Variants in CCND2 observed in about 807,000 individuals in gnomAD.
CCND2 encodes G1/S-specific cyclin-D2.
A neutral mutation model predicts 30.2 loss-of-function variants in CCND2; 6 were observed. The observed-to-expected ratio is 0.20, with a 90% CI of 0.11 to 0.39. The LOEUF (loss-of-function observed/expected upper bound fraction) is 0.39, where lower values mean the gene tolerates loss of function less well. Among genes scored for constraint, CCND2 ranks in the 10% least tolerant of loss-of-function variants. The pLI is 1.00. For synonymous variants in CCND2, 150 were observed against 153.1 expected (o/e 0.98, Z 0.15); for missense variants, 235 against 373.4 (o/e 0.63, Z 3.06).
chr12:4,300,063 C>T lies in CCND2; in HGVS notation c.*54C>T, dbSNP rs2120593998. 2 of 1,522,932 alleles carry T rather than the reference C, an allele frequency of 1.3e-6. No homozygotes were observed. The highest frequency in any genetic ancestry group is 1.8e-6 in the Non-Finnish European group (2 of 1,127,136). The allele number at this position is 1,522,932 out of a possible 1,614,324, so 94.3% of individuals were successfully genotyped here. A position where few individuals can be genotyped will look rare whatever the true frequency, so the allele number is the denominator to read the frequency against. On this transcript the variant is annotated 3_prime_UTR_variant, in exon 5 of 5. Coordinates refer to ENST00000261254, the MANE Select transcript of CCND2 (RefSeq NM_001759.4). ...CGCGTCCATAATCTGGTCTCTTCTT[C>T]TTTCTGGTTGTTTTTGTTCTTTGTG...
intron 3 of CCND2, among the ~76,000 whole-genome samples, chr12:4,280,387 T>C (rs1863932412): frequency 6.6e-6 from 1 of 152,248 alleles, no homozygotes; most frequent in Non-Finnish European, 1.5e-5. Flanking sequence ...TGCCTGTTCA[T>C]CTAGGGCACA....
intron 4 of CCND2, among the ~76,000 whole-genome samples, chr12:4,297,346 C>CAGAT (rs894380867): frequency 1.3e-5 from 2 of 152,012 alleles, no homozygotes; most frequent in African/African-American, 2.4e-5. Flanking sequence ...CCAAGGCGGG[C>CAGAT]AGATACCTGA....
Position 4,287,610 on chromosome 12 carries a change from T to C in CCND2, c.572-1232T>C, listed in dbSNP as rs1206822978. 6.6e-6 allele frequency among the ~76,000 whole-genome samples: 1 copy of C among 152,166 alleles called. No homozygotes were observed. ...GGCTGCAACTATACCCACCCTAATA[T>C]CTGTCAACACGAGCAGGGGCAACTT... is the stretch of plus-strand genomic sequence containing the variant. On this transcript the variant is annotated intron_variant, in intron 3 of 4. Coordinates refer to ENST00000261254, the MANE Select transcript of CCND2 (RefSeq NM_001759.4). The surrounding 1 kb of genome is among the most constrained non-coding windows in gnomAD (Gnocchi z 4.0).
chr12:4,276,231 G>A lies in CCND2; in HGVS notation c.411+11G>A. On this transcript the variant is annotated intron_variant, in intron 2 of 4. Transcript: ENST00000261254. The surrounding 1 kb of genome is among the most constrained non-coding windows in gnomAD (Gnocchi z 4.8). ...CCTCAGGAGCTGCTGGTAATGACCG[G>A]CCCCTTCCTCCCTTCCTTTCTGCGA... 3 of 1,608,538 alleles carry A rather than the reference G, an allele frequency of 1.9e-6. No individual in the cohort carries two copies. The highest frequency in any genetic ancestry group is 2.6e-6 in the Non-Finnish European group (3 of 1,175,650).
At chr12:4,280,227 A>C (rs1863930324) in intron 3 of CCND2, among the ~76,000 whole-genome samples, 1 of 152,270 alleles carries the variant, frequency 6.6e-6, no homozygotes, top group South Asian at 2.1e-4. Context: ...AATTGTGAAA[A>C]TGCTACCATC....
At chr12:4,295,954 A>G (rs1027772260) in intron 4 of CCND2, among the ~76,000 whole-genome samples, 3 of 152,240 alleles carry the variant, frequency 2.0e-5, no homozygotes, top group African/African-American at 7.2e-5. Flanking sequence ...GTGCACGCAC[A>G]TGTCACCTCA....
chr12:4,280,691 G>A (rs1863936718), intron 3 of CCND2, among the ~76,000 whole-genome samples: 1 of 152,212 alleles, frequency 6.6e-6, no homozygotes, highest in Non-Finnish European at 1.5e-5. Flanking sequence ...TCACTGTGGG[G>A]GAGGGGTCAG....
At position 4,303,750 on chromosome 12, in the gene CCND2, G is replaced by A. The variant is rs965295811; in HGVS notation, c.*3741G>A. Reference sequence around the variant, plus strand: ...ATGCGTGCTGAGAGGCGAGCTCCTTGAAGAAGGGGCTGTTCTTCCAGGAGG... The same window carrying A: ...ATGCGTGCTGAGAGGCGAGCTCCTTAAAGAAGGGGCTGTTCTTCCAGGAGG... On this transcript the variant is annotated 3_prime_UTR_variant, in exon 5 of 5. Coordinates refer to ENST00000261254, the MANE Select transcript of CCND2 (RefSeq NM_001759.4). The surrounding 1 kb of genome is among the most constrained non-coding windows in gnomAD (Gnocchi z 4.6). The A allele has an allele frequency of 9.9e-5, 23 of 233,482 alleles. No individual in the cohort carries two copies. The highest frequency in any genetic ancestry group is 2.2e-4 in the Admixed American group (4 of 17,778). 14.5% of individuals were successfully genotyped at this position (233,482 alleles called of 1,614,324 possible).
Position 4,288,966 on chromosome 12 carries a change from G to C in CCND2, c.696G>C (p.Leu232=). ...CTTGTGATGCCCTGACTGAGCTGCT[G>C]GCTAAGATCACCAACACAGACGTGG... is the stretch of plus-strand genomic sequence containing the variant. ...SLTCDALTEL[L]AKITNTDVDC... The change falls in exon 4 of 5, where the codon CTG becomes CTC. Residue 232 remains leucine, a synonymous_variant. Transcript: ENST00000261254. The C allele has an allele frequency of 6.2e-7, 1 of 1,613,266 alleles. No individual in the cohort carries two copies. Among genetic ancestry groups the C allele is most frequent in the South Asian group, 1.1e-5 (1 of 90,982 alleles).
rs1864123906 is a variant in CCND2 at position 4,293,235 on chromosome 12, A to G, written c.720+4245A>G. On this transcript the variant is annotated intron_variant, in intron 4 of 4. Transcript: ENST00000261254. The surrounding 1 kb of genome is among the most constrained non-coding windows in gnomAD (Gnocchi z 4.9). Reference sequence around the variant, plus strand: ...AAGTGGCTTCATTTTCATATGACACAGTTGCACAAATTCACTAACTAAAAA... The same window carrying G: ...AAGTGGCTTCATTTTCATATGACACGGTTGCACAAATTCACTAACTAAAAA... Among the ~76,000 whole-genome samples, 2 of 152,234 alleles carry G rather than the reference A, an allele frequency of 1.3e-5. No homozygotes were observed. The highest frequency in any genetic ancestry group is 2.9e-5 in the Non-Finnish European group (2 of 68,044).
intron 4 of CCND2, among the ~76,000 whole-genome samples, chr12:4,297,570 CAAA>C (rs71061177): frequency 0.03 from 2,248 of 74,612 alleles, 48 homozygotes; most frequent in African/African-American, 0.13. Context: ...CACTCTGTCT[CAAA>C]AAAAAAAAAA....
In CCND2 at chr12:4,304,541, T is replaced by A. The variant is rs1864290804; in HGVS notation, c.*4532T>A. The A allele has an allele frequency of 4.3e-6, 1 of 233,566 alleles. No individual in the cohort carries two copies. Among genetic ancestry groups the A allele is most frequent in the Non-Finnish European group, 8.5e-6 (1 of 118,036 alleles). 14.5% of individuals were successfully genotyped at this position (233,566 alleles called of 1,614,324 possible). A position where few individuals can be genotyped will look rare whatever the true frequency, so the allele number is the denominator to read the frequency against. ...CTCATACCACATGGCTTTTGATGAT[T>A]CTGGATTCTAAACAACCCAGAATGG... is the stretch of plus-strand genomic sequence containing the variant. On this transcript the variant is annotated 3_prime_UTR_variant, in exon 5 of 5. Coordinates refer to ENST00000261254, the MANE Select transcript of CCND2 (RefSeq NM_001759.4). The surrounding 1 kb of genome is among the most constrained non-coding windows in gnomAD (Gnocchi z 6.2).
rs778449426 is a variant in CCND2 at position 4,274,341 on chromosome 12, C to A, written c.195+106C>A. On this transcript the variant is annotated intron_variant, in intron 1 of 4. Coordinates refer to ENST00000261254, the MANE Select transcript of CCND2 (RefSeq NM_001759.4). The surrounding 1 kb of genome is among the most constrained non-coding windows in gnomAD (Gnocchi z 7.7). ...GAGGGCAATCCCCGCGCCGGCCTCC[C>A]GGCTCCTGTGCGGGAGTTTACCGCG... The A allele has an allele frequency of 1.8e-5, 23 of 1,245,502 alleles. No homozygotes were observed. The highest frequency in any genetic ancestry group is 2.6e-5 in the Non-Finnish European group (23 of 877,606). The allele number at this position is 1,245,502 out of a possible 1,614,324, so 77.2% of individuals were successfully genotyped here.
In CCND2 at chr12:4,304,699, T is replaced by G. The variant is rs1486952556; in HGVS notation, c.*4690T>G. On this transcript the variant is annotated 3_prime_UTR_variant, in exon 5 of 5. Transcript: ENST00000261254. This position sits in a 1 kb window ranked among gnomAD's most constrained non-coding sequence, Gnocchi z 6.2. ...GTACGTGCATGCTGTAGCTGCAGCC[T>G]GCATCCCTTCGCCTGCAGCCTACTT... 6 of 233,570 alleles carry G rather than the reference T, an allele frequency of 2.6e-5. No individual in the cohort carries two copies. Among genetic ancestry groups the G allele is most frequent in the Non-Finnish European group, 5.1e-5 (6 of 118,048 alleles). 14.5% of individuals were successfully genotyped at this position (233,570 alleles called of 1,614,324 possible).
intron 3 of CCND2, among the ~76,000 whole-genome samples, chr12:4,281,351 C>T (rs1863945061): frequency 6.6e-6 from 1 of 152,188 alleles, no homozygotes; most frequent in South Asian, 2.1e-4. Context: ...CCGAAGGCCG[C>T]TTTTCTTGAA....
rs576799368 is a variant in CCND2, at chr12:4,300,874, A to G, written c.*865A>G. 50 of 233,722 alleles carry G rather than the reference A, an allele frequency of 2.1e-4. No homozygotes were observed. In the South Asian group the frequency reaches 4.2e-3, roughly 19 times the overall value. The allele number at this position is 233,722 out of a possible 1,614,324, so 14.5% of individuals were successfully genotyped here. The stretch of plus-strand genomic sequence containing the variant: ...TTTCTGTTATTGTATTTAAAAGGGT[A>G]ATGTGGCCTTGGCATTTCTTCTTAG... On this transcript the variant is annotated 3_prime_UTR_variant, in exon 5 of 5. Transcript: ENST00000261254.
Position 4,304,224 on chromosome 12 carries a change from G to A in CCND2, c.*4215G>A. 4.3e-6 allele frequency: 1 copy of A among 233,740 alleles called. No homozygotes were observed. The highest frequency in any genetic ancestry group is 8.5e-6 in the Non-Finnish European group (1 of 118,040). 14.5% of individuals were successfully genotyped at this position (233,740 alleles called of 1,614,324 possible). A position where few individuals can be genotyped will look rare whatever the true frequency, so the allele number is the denominator to read the frequency against. On this transcript the variant is annotated 3_prime_UTR_variant, in exon 5 of 5. Transcript: ENST00000261254. This position sits in a 1 kb window ranked among gnomAD's most constrained non-coding sequence, Gnocchi z 6.2. ...CTAGTTCAAGAAGATAATATTGGTA[G>A]TGTGGGAATTGGAGGTAGGAAGGGG...
Position 4,301,265 on chromosome 12 carries a change from CT to C in CCND2, c.*1258del, listed in dbSNP as rs1234549443. The C allele has an allele frequency of 4.3e-6, 1 of 233,438 alleles. No individual in the cohort carries two copies. The highest frequency in any genetic ancestry group is 2.2e-5 in the African/African-American group (1 of 45,286). The allele number at this position is 233,438 out of a possible 1,614,324, so 14.5% of individuals were successfully genotyped here. A position where few individuals can be genotyped will look rare whatever the true frequency, so the allele number is the denominator to read the frequency against. ...AAGGATCTTAATTCCCATCTCTATA[CT>C]TCTCCTTTGGACATGGAAAGAAAAG... On this transcript the variant is annotated 3_prime_UTR_variant, in exon 5 of 5. Coordinates refer to ENST00000261254, the MANE Select transcript of CCND2 (RefSeq NM_001759.4).
At position 4,276,993 on chromosome 12, in the gene CCND2, G is replaced by A. The variant is rs998580557; in HGVS notation, c.411+773G>A. Among the ~76,000 whole-genome samples, 3 of 152,174 alleles carry A rather than the reference G, an allele frequency of 2.0e-5. No homozygotes were observed. Among genetic ancestry groups the A allele is most frequent in the African/African-American group, 7.2e-5 (3 of 41,438 alleles). On this transcript the variant is annotated intron_variant, in intron 2 of 4. Transcript: ENST00000261254. This position sits in a 1 kb window ranked among gnomAD's most constrained non-coding sequence, Gnocchi z 4.8. ...ACCCCTCTTTGCACTGTTCAGAAAAGCACCCCCTCCTTCCCGCCCCTCCCC... is the reference window on the plus strand; with the variant it reads ...ACCCCTCTTTGCACTGTTCAGAAAAACACCCCCTCCTTCCCGCCCCTCCCC...
Sources: gnomAD v4.1 joint callset for allele counts (sites outside exome capture counted in the v4.1 genomes callset) on GRCh38, gnomAD v4.1.1 for gene constraint, Gnocchi (gnomAD v3.1) non-coding constraint, MANE v1.5 for transcripts, NCBI Gene and HGNC (gene_info 2026-07-23, HGNC 2026-07-21) for gene names.